Variants in VAV2 observed in about 807,000 individuals in gnomAD.
VAV2 encodes the protein vav guanine nucleotide exchange factor 2.
A neutral mutation model predicts 132.5 loss-of-function variants in VAV2; 67 were observed. The observed-to-expected ratio is 0.51, with a 90% confidence interval of 0.42 to 0.62. The LOEUF (loss-of-function observed/expected upper bound fraction) is 0.62. Among genes scored for constraint, VAV2 ranks in the 20% least tolerant of loss-of-function variants. The pLI is 0.00. For missense variants in VAV2, 938 were observed against 1,153.6 expected (o/e 0.81, Z 2.71); for synonymous variants, 492 against 443.5 (o/e 1.11, Z -1.37).
intron 2 of VAV2, among the ~76,000 whole-genome samples, chr9:133,869,320 T>C (rs1195619659): frequency 6.6e-6 from 1 of 151,838 alleles, no homozygotes; most frequent in East Asian, 1.9e-4. Context: ...AACAAAGTCT[T>C]TAAGGCCAGG....
intron 16 of VAV2, among the ~76,000 whole-genome samples, chr9:133,786,769 C>G (rs968010208): frequency 5.9e-5 from 9 of 152,154 alleles, no homozygotes; most frequent in African/African-American, 2.2e-4. Flanking sequence ...AAAGGGCTTT[C>G]AAAGTGGTCC....
At chr9:133,907,989 C>T (rs1234344305) in intron 2 of VAV2, among the ~76,000 whole-genome samples, 3 of 134,734 alleles carry the variant, frequency 2.2e-5, no homozygotes, top group Non-Finnish European at 3.3e-5. Flanking sequence ...CCCACCCCAC[C>T]CCCCTTCCTT....
intron 1 of VAV2, among the ~76,000 whole-genome samples, chr9:133,970,221 A>G (rs3780792): frequency 0.29 from 43,758 of 152,068 alleles, 6,887 homozygotes; most frequent in South Asian, 0.44. Flanking sequence ...CCAGGTCCTC[A>G]GCTCCCTGGG....
chr9:133,786,786 AAG>A (rs1834243689), intron 16 of VAV2, among the ~76,000 whole-genome samples: 1 of 152,196 alleles, frequency 6.6e-6, no homozygotes, highest in Non-Finnish European at 1.5e-5. Context: ...GTCCAGAAAA[AAG>A]AGTTTGGCAA....
intron 3 of VAV2, among the ~76,000 whole-genome samples, chr9:133,847,356 A>G (rs959184628): frequency 6.6e-6 from 1 of 152,214 alleles, no homozygotes; most frequent in South Asian, 2.1e-4. Context: ...ACCGCGCCTC[A>G]GCGTGAGCAG....
intron 1 of VAV2, among the ~76,000 whole-genome samples, chr9:133,968,948 A>C (rs1292543280): frequency 6.6e-6 from 1 of 152,198 alleles, no homozygotes; most frequent in Non-Finnish European, 1.5e-5. Flanking sequence ...AATAGCAATA[A>C]GTGAGTCCCC....
chr9:133,842,571 G>A (rs1836767682), intron 3 of VAV2, among the ~76,000 whole-genome samples: 1 of 152,178 alleles, frequency 6.6e-6, no homozygotes, highest in Non-Finnish European at 1.5e-5. Context: ...TAGTCTTGCA[G>A]ATGGCAGACA....
chr9:133,959,136 T>C (rs1357164388), intron 1 of VAV2, among the ~76,000 whole-genome samples: 1 of 152,192 alleles, frequency 6.6e-6, no homozygotes, highest in Admixed American at 6.5e-5. Context: ...TGACAGCTAC[T>C]GAAAATGGCA....
At chr9:133,922,621 G>A (rs1038655474) in intron 2 of VAV2, among the ~76,000 whole-genome samples, 7 of 152,208 alleles carry the variant, frequency 4.6e-5, no homozygotes, top group Admixed American at 1.3e-4. Flanking sequence ...CCAACACATG[G>A]TGCTGGGAAA....
At chr9:133,797,039 G>A (rs1399657435) in intron 10 of VAV2, among the ~76,000 whole-genome samples, 2 of 152,208 alleles carry the variant, frequency 1.3e-5, no homozygotes, top group Non-Finnish European at 2.9e-5. Context: ...CTACTGGGGG[G>A]CCACGCTGCC....
In VAV2 at chr9:133,780,728, C is replaced by T; in HGVS notation, c.1724-18G>A. The T allele has an allele frequency of 7.8e-7, 1 of 1,273,966 alleles. No homozygotes were observed. Among genetic ancestry groups the T allele is most frequent in the Non-Finnish European group, 1.0e-6 (1 of 1,001,866 alleles). The allele number at this position is 1,273,966 out of a possible 1,614,324, so 78.9% of individuals were successfully genotyped here. ...AGGAGAAGCTGGAAAGGAAGCAGGT[C>T]AGGTGTTAGAGGGGAGGCCACCGAC... On this transcript the variant is annotated intron_variant, in intron 19 of 29. Transcript: ENST00000371850.
chr9:133,950,006 T>A (rs1370801884), intron 1 of VAV2, among the ~76,000 whole-genome samples: 1 of 152,128 alleles, frequency 6.6e-6, no homozygotes, highest in Non-Finnish European at 1.5e-5. Flanking sequence ...CCAGCAGCCG[T>A]GAAGTCCAGG....
chr9:133,813,179 GTGTAT>G (rs1365743178), intron 4 of VAV2, among the ~76,000 whole-genome samples: 1 of 152,334 alleles, frequency 6.6e-6, no homozygotes, highest in East Asian at 1.9e-4. Flanking sequence ...CAGACAGGTT[GTGTAT>G]TCAGTCCTGC....
intron 1 of VAV2, among the ~76,000 whole-genome samples, chr9:133,987,760 C>T (rs967660098): frequency 2.0e-5 from 3 of 152,364 alleles, no homozygotes; most frequent in African/African-American, 4.8e-5. Context: ...ACCGAAGCTG[C>T]TCCAGACACA....
intron 9 of VAV2, among the ~76,000 whole-genome samples, chr9:133,799,508 G>A (rs964414386): frequency 5.9e-5 from 9 of 152,188 alleles, no homozygotes; most frequent in Non-Finnish European, 1.2e-4. Flanking sequence ...ACCCATGGCC[G>A]GTCCCACATG....
In VAV2 at chr9:133,807,147, G is replaced by A. The variant is rs1481450110; in HGVS notation, c.735+111C>T. On this transcript the variant is annotated intron_variant, in intron 8 of 29. Transcript: ENST00000371850. ...CCTTCCGGCCAGCACGAGCCACCAC[G>A]GAGCCACAGGGGTGCAGCTCTCCAA... is the stretch of plus-strand genomic sequence containing the variant. 86 of 1,261,024 alleles carry A rather than the reference G, an allele frequency of 6.8e-5. 1 individual carries two copies. The highest frequency in any genetic ancestry group is 1.1e-4 in the Admixed American group (4 of 37,866). The allele number at this position is 1,261,024 out of a possible 1,614,324, so 78.1% of individuals were successfully genotyped here.
chr9:133,772,008 T>G lies in VAV2; in HGVS notation c.2174A>C (p.Lys725Thr). 6.6e-7 allele frequency: 1 copy of G among 1,524,140 alleles called. No homozygotes were observed. The highest frequency in any genetic ancestry group is 8.9e-7 in the Non-Finnish European group (1 of 1,125,972). 94.4% of individuals were successfully genotyped at this position (1,524,140 alleles called of 1,614,324 possible). ...CTCTGTGATGTGGATCCAGTTGTCC[T>G]TCTCCACCACCTTGATGTGCTTCAC... Reference protein sequence around the residue: ...DEVKHIKVVEKDNWIHITEAK... With the variant: ...DEVKHIKVVETDNWIHITEAK... The change falls in exon 26 of 30, where the codon AAG becomes ACG. Residue 725 changes from lysine to threonine, a missense_variant. By Grantham distance (78) the Lys-to-Thr change is moderately conservative. Transcript: ENST00000371850.
chr9:133,906,403 A>C (rs1355293409), intron 2 of VAV2, among the ~76,000 whole-genome samples: 1 of 152,190 alleles, frequency 6.6e-6, no homozygotes, highest in Non-Finnish European at 1.5e-5. Flanking sequence ...TTCTAGGCCC[A>C]TCACAGTCCT....
chr9:133,764,134 C>CTGTGTG lies in VAV2; in HGVS notation c.2590-31_2590-26dup, dbSNP rs34181788. 8 of 1,555,246 alleles carry CTGTGTG rather than the reference C, an allele frequency of 5.1e-6. No individual in the cohort carries two copies. In the East Asian group the frequency reaches 1.6e-4, roughly 32 times the overall value. On this transcript the variant is annotated intron_variant, in intron 29 of 29. Coordinates refer to ENST00000371850, the MANE Select transcript of VAV2 (RefSeq NM_001134398.2). ...TCTGAAAAAGATGGTAAGATCGTGT[C>CTGTGTG]TGTGTGTGTGTGTGTGTGTGTAAGC...
Sources: gnomAD v4.1 joint callset for allele counts (sites outside exome capture counted in the v4.1 genomes callset) on GRCh38, gnomAD v4.1.1 for gene constraint, MANE v1.5 for transcripts, NCBI Gene and HGNC (gene_info 2026-07-23, HGNC 2026-07-21) for gene names.